ASPRV1: variants seen among roughly 807,000 people sequenced by gnomAD.
ASPRV1 encodes retroviral-like aspartic protease 1.
Under a neutral mutation model 11.0 loss-of-function variants are expected in ASPRV1, and 7 were observed. The ratio of observed to expected loss-of-function variants is 0.64; its 90% confidence interval spans 0.36 to 1.20. ASPRV1 has a LOEUF of 1.20. Among genes scored for constraint, ASPRV1 ranks in the 50% most tolerant of loss-of-function variants. ASPRV1 has a pLI of 0.02. For synonymous variants in ASPRV1, 136 were observed against 138.4 expected (o/e 0.98, Z 0.12); for missense variants, 299 against 320.0 (o/e 0.93, Z 0.50).
In ASPRV1 at chr2:69,960,918, C is replaced by T. The variant is rs1678071836; in HGVS notation, c.519G>A (p.Trp173Ter). 6.2e-7 allele frequency: 1 copy of T among 1,614,082 alleles called. No individual in the cohort carries two copies. Among genetic ancestry groups the T allele is most frequent in the African/African-American group, 1.3e-5 (1 of 75,036 alleles). The stretch of plus-strand genomic sequence containing the variant: ...GCTTGCCTAGGGACACCGCTGTATC[C>T]CAGACACCCAGGATCTTCATTTCAG... Reference protein sequence around the residue: ...NGAEMKILGVWDTAVSLGKLK... With the variant: ...NGAEMKILGV The change falls in exon 1 of 1, where the codon TGG becomes TGA. Residue 173 changes from tryptophan (W) to a stop codon, truncating the protein, a stop_gained. Coordinates refer to ENST00000320256, the MANE Select transcript of ASPRV1 (RefSeq NM_152792.4). LOFTEE classifies it high-confidence loss of function.
At chr2:70,036,201 C>T in the ASPRV1 span, among the ~76,000 whole-genome samples, 1 of 151,852 alleles carries the variant, frequency 6.6e-6, no homozygotes, top group Admixed American at 6.6e-5. Context: ...CACCCTGTTA[C>T]TTGAATATGG....
the ASPRV1 span, chr2:69,935,370 T>G: frequency 1.9e-6 from 3 of 1,613,896 alleles, no homozygotes; most frequent in Non-Finnish European, 2.5e-6. Context: ...TCTTCGCTTG[T>G]GCCTGGAGAA....
chr2:69,981,855 G>A, the ASPRV1 span, among the ~76,000 whole-genome samples: 13 of 152,274 alleles, frequency 8.5e-5, no homozygotes, highest in African/African-American at 3.1e-4. Context: ...CACCATGCTC[G>A]GCTATTTTCT....
the ASPRV1 span, among the ~76,000 whole-genome samples, chr2:70,052,973 G>A: frequency 2.0e-5 from 3 of 152,134 alleles, no homozygotes; most frequent in African/African-American, 7.2e-5. Context: ...ATCTTTCTAT[G>A]AGCAGAAATG....
the ASPRV1 span, among the ~76,000 whole-genome samples, chr2:70,048,043 A>T: frequency 7.5e-6 from 1 of 133,754 alleles, no homozygotes; most frequent in African/African-American, 2.9e-5. Flanking sequence ...CGGGAGGCAG[A>T]GGTTGCAGTG....
At chr2:69,978,134 G>A in the ASPRV1 span, among the ~76,000 whole-genome samples, 1 of 152,216 alleles carries the variant, frequency 6.6e-6, no homozygotes, top group Admixed American at 6.5e-5. Context: ...TGCAGGGCGG[G>A]TGTGCTGGCA....
At position 69,961,281 on chromosome 2, in the gene ASPRV1, C is replaced by T. The variant is rs762025289; in HGVS notation, c.156G>A (p.Arg52=). Reference sequence around the variant, plus strand: ...CTCCTCTGAGGGACTCTTTCAGGAACCTTAGCTTGGTGATATGGTCCCAAT... The same window carrying T: ...CTCCTCTGAGGGACTCTTTCAGGAATCTTAGCTTGGTGATATGGTCCCAAT... ...LNHWDHITKL[R]FLKESLRGEA... The change falls in exon 1 of 1, where the codon AGG becomes AGA. Residue 52 remains arginine (R), a synonymous_variant. Transcript: ENST00000320256. 3.7e-6 allele frequency: 6 copies of T among 1,614,038 alleles called. No individual in the cohort carries two copies. The highest frequency in any genetic ancestry group is 1.7e-5 in the Admixed American group (1 of 59,994).
the ASPRV1 span, among the ~76,000 whole-genome samples, chr2:69,949,096 C>A: frequency 1.3e-5 from 2 of 152,194 alleles, no homozygotes; most frequent in African/African-American, 4.8e-5. Flanking sequence ...TGATGCATTT[C>A]ACTTTCTCTT....
chr2:70,077,679 C>A, the ASPRV1 span, among the ~76,000 whole-genome samples: 1 of 151,870 alleles, frequency 6.6e-6, no homozygotes, highest in East Asian at 1.9e-4. Context: ...CATGGTGAAA[C>A]CCCGCCTCTA....
At chr2:69,940,156 T>G in the ASPRV1 span, 1 of 151,974 alleles carries the variant, frequency 6.6e-6, no homozygotes, top group Non-Finnish European at 1.5e-5. Context: ...GATTTTTTTT[T>G]TTTTTTTTTA....
the ASPRV1 span, among the ~76,000 whole-genome samples, chr2:69,987,747 CAATA>C: frequency 1.3e-5 from 2 of 152,102 alleles, no homozygotes; most frequent in Non-Finnish European, 2.9e-5. Flanking sequence ...AACCCTGTTT[CAATA>C]AATAAATAAA....
the ASPRV1 span, among the ~76,000 whole-genome samples, chr2:69,998,837 G>C: frequency 6.6e-6 from 1 of 152,242 alleles, no homozygotes; most frequent in Non-Finnish European, 1.5e-5. Context: ...ACCAGGCTGG[G>C]AGAGGGCACT....
chr2:70,042,425 AG>A, the ASPRV1 span, among the ~76,000 whole-genome samples: 1,086 of 152,322 alleles, frequency 7.1e-3, 12 homozygotes, highest in African/African-American at 0.025. Context: ...TGACCTGGCC[AG>A]GGAAAGTGTG....
the ASPRV1 span, among the ~76,000 whole-genome samples, chr2:70,063,326 T>C: frequency 2.0e-5 from 3 of 152,106 alleles, no homozygotes; most frequent in African/African-American, 7.2e-5. Context: ...TTCACACACA[T>C]CCAGCCAGTC....
the ASPRV1 span, among the ~76,000 whole-genome samples, chr2:70,037,125 T>A: frequency 1.3e-5 from 2 of 152,352 alleles, no homozygotes; most frequent in South Asian, 4.1e-4. Context: ...TGGATGTACC[T>A]CTAGCTCTTC....
chr2:69,979,891 C>T, the ASPRV1 span, among the ~76,000 whole-genome samples: 1 of 152,210 alleles, frequency 6.6e-6, no homozygotes, highest in African/African-American at 2.4e-5. Flanking sequence ...CCATCACCCA[C>T]TTGGAGGATG....
chr2:70,007,358 A>T, the ASPRV1 span, among the ~76,000 whole-genome samples: 3 of 152,000 alleles, frequency 2.0e-5, no homozygotes, highest in African/African-American at 7.2e-5. Context: ...TTTCTACTTT[A>T]AAAAAATACA....
the ASPRV1 span, chr2:69,938,032 C>T: frequency 2.7e-6 from 4 of 1,496,188 alleles, no homozygotes; most frequent in Admixed American, 7.4e-5. Context: ...CAAGCATGAG[C>T]CACCACGCCT....
the ASPRV1 span, among the ~76,000 whole-genome samples, chr2:70,044,732 T>C: frequency 3.3e-5 from 5 of 152,042 alleles, no homozygotes; most frequent in Non-Finnish European, 5.9e-5. Context: ...GTGCTGGGAT[T>C]CCGGGCGTGA....
Sources: gnomAD v4.1 joint callset for allele counts (sites outside exome capture counted in the v4.1 genomes callset) on GRCh38, gnomAD v4.1.1 for gene constraint, MANE v1.5 for transcripts, NCBI Gene and HGNC (gene_info 2026-07-23, HGNC 2026-07-21) for gene names.